The following NR3C1 variants were observed in gnomAD, a reference collection of about 807,000 sequenced individuals.
The protein encoded by NR3C1 is glucocorticoid receptor.
In NR3C1, 14 loss-of-function variants were observed where a neutral mutation model predicts 74.0. The observed-to-expected ratio is 0.19, with a 90% CI of 0.12 to 0.30. NR3C1 has a LOEUF of 0.30. Ranked by LOEUF, NR3C1 falls within the 10% of genes least tolerant of loss-of-function variation. The pLI is 1.00. For missense variants in NR3C1, 695 were observed against 909.8 expected (o/e 0.76, Z 3.04); for synonymous variants, 308 against 332.5 (o/e 0.93, Z 0.80).
chr5:143,412,739 T>C (rs1429192814), intron 1 of NR3C1, among the ~76,000 whole-genome samples: 1 of 152,190 alleles, frequency 6.6e-6, no homozygotes, highest in South Asian at 2.1e-4. Flanking sequence ...TTTATGGAGT[T>C]TAAAAAATAG....
intron 2 of NR3C1, among the ~76,000 whole-genome samples, chr5:143,319,541 C>T (rs1025527027): frequency 2.6e-5 from 4 of 152,094 alleles, no homozygotes; most frequent in Admixed American, 2.6e-4. Flanking sequence ...CAGTTTTTGT[C>T]CAAACACCGT....
chr5:143,311,333 A>C (rs1820896248), intron 3 of NR3C1, among the ~76,000 whole-genome samples: 1 of 152,216 alleles, frequency 6.6e-6, no homozygotes, highest in Non-Finnish European at 1.5e-5. Flanking sequence ...ACCCACTGCT[A>C]AAAATGAAAA....
At chr5:143,405,533 G>A (rs1841061462), upstream of NR3C1, among the ~76,000 whole-genome samples, 2 of 152,140 alleles carry the variant, frequency 1.3e-5, no homozygotes, top group Admixed American at 1.3e-4. Context: ...AAGGGTAAAC[G>A]GTTCCCTGTG....
At chr5:143,288,697 T>A (rs1181579138) in intron 7 of NR3C1, among the ~76,000 whole-genome samples, 1 of 152,064 alleles carries the variant, frequency 6.6e-6, no homozygotes, top group Admixed American at 6.5e-5. Context: ...GGTCTCAAAC[T>A]CCTGGGCTTA....
intron 2 of NR3C1, among the ~76,000 whole-genome samples, chr5:143,334,609 G>A (rs1423103599): frequency 6.6e-6 from 1 of 151,780 alleles, no homozygotes; most frequent in Non-Finnish European, 1.5e-5. Context: ...TACAGCAGTC[G>A]ACCAAGCCCA....
chr5:143,377,168 A>G (rs910407444), intron 2 of NR3C1, among the ~76,000 whole-genome samples: 1 of 152,178 alleles, frequency 6.6e-6, no homozygotes, highest in African/African-American at 2.4e-5. Flanking sequence ...TCCCTAATGA[A>G]GCATAAATTC....
intron 2 of NR3C1, among the ~76,000 whole-genome samples, chr5:143,326,718 A>C (rs1007910311): frequency 1.3e-5 from 2 of 152,198 alleles, no homozygotes; most frequent in African/African-American, 4.8e-5. Context: ...GGCATACATG[A>C]TGACATGAAA....
chr5:143,331,529 A>G (rs2151700927), intron 2 of NR3C1, among the ~76,000 whole-genome samples: 1 of 152,338 alleles, frequency 6.6e-6, no homozygotes, highest in East Asian at 1.9e-4. Context: ...CATAGAATCA[A>G]CCTAAAAGCC....
At chr5:143,344,282 AATTTT>A (rs1161169355) in intron 2 of NR3C1, among the ~76,000 whole-genome samples, 1 of 152,228 alleles carries the variant, frequency 6.6e-6, no homozygotes, top group African/African-American at 2.4e-5. Context: ...CCAATTCTTA[AATTTT>A]ATTTCAGCAT....
chr5:143,355,079 C>T (rs1390968201), intron 2 of NR3C1, among the ~76,000 whole-genome samples: 1 of 152,042 alleles, frequency 6.6e-6, no homozygotes, highest in Non-Finnish European at 1.5e-5. Flanking sequence ...CACTGACAGA[C>T]TCGCTTAATA....
At chr5:143,339,196 A>G (rs576269895) in intron 2 of NR3C1, among the ~76,000 whole-genome samples, 6 of 152,308 alleles carry the variant, frequency 3.9e-5, no homozygotes, top group Non-Finnish European at 7.4e-5. Context: ...ACATGACTGC[A>G]TATTTGTTTT....
chr5:143,403,003 G>A (rs1444354069), intron 1 of NR3C1, among the ~76,000 whole-genome samples: 31 of 147,964 alleles, frequency 2.1e-4, no homozygotes, highest in Admixed American at 1.0e-3. Context: ...GCCAGGGGAC[G>A]CCTGCGGAGG....
chr5:143,321,149 G>A (rs1250532055), intron 2 of NR3C1, among the ~76,000 whole-genome samples: 2 of 152,194 alleles, frequency 1.3e-5, no homozygotes, highest in Admixed American at 6.5e-5. Flanking sequence ...TGTCTTCAGA[G>A]AAGGCAAGAA....
At chr5:143,382,288 A>G (rs1836403226) in intron 2 of NR3C1, among the ~76,000 whole-genome samples, 2 of 152,222 alleles carry the variant, frequency 1.3e-5, no homozygotes, top group Non-Finnish European at 2.9e-5. Flanking sequence ...CCCCATAAAT[A>G]TATATGCCTA....
intron 2 of NR3C1, among the ~76,000 whole-genome samples, chr5:143,391,693 A>G (rs1220301929): frequency 6.6e-6 from 1 of 152,118 alleles, no homozygotes; most frequent in African/African-American, 2.4e-5. Flanking sequence ...AAAATAATAA[A>G]ACTGAAAAAA....
chr5:143,415,718 A>T (rs1187093942), intron 1 of NR3C1, among the ~76,000 whole-genome samples: 1 of 152,196 alleles, frequency 6.6e-6, no homozygotes, highest in East Asian at 1.9e-4. Flanking sequence ...GCTGCAATGA[A>T]TATTTTTGTA....
intron 2 of NR3C1, among the ~76,000 whole-genome samples, chr5:143,338,370 C>G (rs764336753): frequency 3.4e-5 from 5 of 148,300 alleles, no homozygotes; most frequent in Non-Finnish European, 5.9e-5. Context: ...AACTGTCAAA[C>G]ACTCTCAGCC....
At position 143,390,351 on chromosome 5, in the gene NR3C1, A is replaced by G. The variant is rs563326749; in HGVS notation, c.1184+9305T>C. On this transcript the variant is annotated intron_variant, in intron 2 of 8. Transcript: ENST00000394464. ...AGTATACTTGAGTTGTTCTTGCTAT[A>G]CTGATAATCAGATACTTAATTCCCT... Among the ~76,000 whole-genome samples the G allele has an allele frequency of 5.3e-5, 8 of 152,312 alleles. No individual in the cohort carries two copies. In the Middle Eastern group the frequency reaches 0.01, roughly 194 times the overall value.
Position 143,325,171 on chromosome 5 carries a change from C to A in NR3C1, c.1185-11003G>T, listed in dbSNP as rs185565870. On this transcript the variant is annotated intron_variant, in intron 2 of 8. Transcript: ENST00000394464. ...CATTTTCATGCTTGTGATAAAGACA[C>A]ACCCAAAACTGGGAACAAAAAGAGG... Among the ~76,000 whole-genome samples the A allele has an allele frequency of 5.9e-5, 9 of 152,296 alleles. No homozygotes were observed. In the East Asian group the frequency reaches 1.7e-3, roughly 29 times the overall value.
Sources: allele counts gnomAD v4.1 joint callset (sites outside exome capture counted in the v4.1 genomes callset), GRCh38; gene constraint gnomAD v4.1.1; transcripts MANE v1.5; gene names NCBI Gene and HGNC (gene_info 2026-07-23, HGNC 2026-07-21).